The following RAP1A variants were observed in gnomAD, a reference collection of about 807,000 sequenced individuals.
The protein encoded by RAP1A is RAP1A, member of RAS oncogene family.
Under a neutral mutation model 26.4 loss-of-function variants are expected in RAP1A, and 6 were observed. That is an observed-to-expected ratio of 0.23 (90% CI 0.12 to 0.45). RAP1A has a LOEUF of 0.45. RAP1A is among the 20% of genes least tolerant of loss of function. The probability of loss-of-function intolerance (pLI) is 0.99; values close to 1 mark genes in which losing one functional copy is unlikely to be tolerated. For missense variants in RAP1A, 121 were observed against 217.2 expected, an observed-to-expected ratio of 0.56 and a Z score of 2.78; for synonymous variants, 73 against 79.4, an observed-to-expected ratio of 0.92 and a Z score of 0.43.
chr1:111,595,645 T>A (rs1422147367), intron 1 of RAP1A, among the ~76,000 whole-genome samples: 1 of 152,200 alleles, frequency 6.6e-6, no homozygotes, highest in East Asian at 1.9e-4. Context: ...CCTGGTTAGG[T>A]TACCTGCTGG....
chr1:111,597,873 T>C (rs986058418), intron 1 of RAP1A, among the ~76,000 whole-genome samples: 1 of 152,194 alleles, frequency 6.6e-6, no homozygotes, highest in African/African-American at 2.4e-5. Context: ...TACTATGTGC[T>C]AGCCAGTTTG....
intron 1 of RAP1A, among the ~76,000 whole-genome samples, chr1:111,548,284 G>A (rs1207545205): frequency 6.6e-6 from 1 of 152,222 alleles, no homozygotes; most frequent in African/African-American, 2.4e-5. Context: ...GCCTCCCAAA[G>A]TGCTGGGATT....
At chr1:111,600,511 C>T (rs1658651731) in intron 1 of RAP1A, among the ~76,000 whole-genome samples, 1 of 152,224 alleles carries the variant, frequency 6.6e-6, no homozygotes. Context: ...TTTGTCTTCT[C>T]CTAGCCTCCC....
At chr1:111,670,855 T>C (rs538822099) in intron 1 of RAP1A, among the ~76,000 whole-genome samples, 2 of 152,348 alleles carry the variant, frequency 1.3e-5, no homozygotes, top group South Asian at 4.1e-4. Flanking sequence ...GTCATAATAG[T>C]ATATCAAGTC....
At chr1:111,571,259 C>T (rs1658042793) in intron 1 of RAP1A, among the ~76,000 whole-genome samples, 1 of 152,200 alleles carries the variant, frequency 6.6e-6, no homozygotes, top group South Asian at 2.1e-4. Flanking sequence ...CGCAAAGTTT[C>T]CACACTCTGT....
intron 1 of RAP1A, among the ~76,000 whole-genome samples, chr1:111,585,981 G>C (rs753650829): frequency 2.4e-4 from 36 of 152,124 alleles, no homozygotes; most frequent in Non-Finnish European, 3.1e-4. Context: ...GTTGATTTTA[G>C]ACAGTTCATT....
intron 1 of RAP1A, among the ~76,000 whole-genome samples, chr1:111,581,062 C>T (rs892252873): frequency 3.3e-5 from 5 of 150,736 alleles, no homozygotes; most frequent in Non-Finnish European, 7.4e-5. Context: ...CAGGGTTTTG[C>T]TATTTCTCAG....
At chr1:111,601,217 C>T (rs571921905) in intron 1 of RAP1A, among the ~76,000 whole-genome samples, 1 of 152,272 alleles carries the variant, frequency 6.6e-6, no homozygotes, top group East Asian at 1.9e-4. Context: ...CGGTGATCAC[C>T]GTGGGATCTT....
intron 1 of RAP1A, among the ~76,000 whole-genome samples, chr1:111,666,303 T>G (rs1660794013): frequency 6.6e-6 from 1 of 152,152 alleles, no homozygotes; most frequent in African/African-American, 2.4e-5. Flanking sequence ...AATTAAGTAT[T>G]TATACTAATA....
intron 1 of RAP1A, among the ~76,000 whole-genome samples, chr1:111,681,389 A>G (rs573527366): frequency 6.6e-6 from 1 of 152,356 alleles, no homozygotes; most frequent in East Asian, 1.9e-4. Context: ...AAGGTGGATA[A>G]TAACAAACTC....
At chr1:111,679,766 C>T (rs1022907135) in intron 1 of RAP1A, among the ~76,000 whole-genome samples, 9 of 152,292 alleles carry the variant, frequency 5.9e-5, no homozygotes, top group Middle Eastern at 3.4e-3. Context: ...GTTTTCCCCT[C>T]ACAATGTAAA....
At chr1:111,615,402 G>T (rs540972999), upstream of RAP1A, among the ~76,000 whole-genome samples, 2 of 151,902 alleles carry the variant, frequency 1.3e-5, no homozygotes, top group African/African-American at 4.8e-5. Context: ...ACCTAGGGTC[G>T]TGGCAATAGA....
At chr1:111,572,570 C>T (rs367724452) in intron 1 of RAP1A, among the ~76,000 whole-genome samples, 25 of 152,152 alleles carry the variant, frequency 1.6e-4, no homozygotes, top group Admixed American at 1.5e-3. Context: ...TGGGTGAAGC[C>T]GAAGTTTCAC....
chr1:111,568,215 TA>T (rs1332430665), intron 1 of RAP1A, among the ~76,000 whole-genome samples: 6 of 152,206 alleles, frequency 3.9e-5, no homozygotes, highest in Admixed American at 1.3e-4. Context: ...GGGTAATTTA[TA>T]AAGAAAAGAG....
chr1:111,664,614 G>A (rs1427836693), intron 1 of RAP1A, among the ~76,000 whole-genome samples: 4 of 151,994 alleles, frequency 2.6e-5, no homozygotes, highest in Non-Finnish European at 1.5e-5. Flanking sequence ...TACATACAAA[G>A]TACACAGTGA....
chr1:111,630,679 G>A (rs1283554677), intron 1 of RAP1A, among the ~76,000 whole-genome samples: 1 of 152,102 alleles, frequency 6.6e-6, no homozygotes, highest in Non-Finnish European at 1.5e-5. Context: ...ACATATAACA[G>A]TATATAAGAA....
chr1:111,643,519 T>C (rs491053), intron 1 of RAP1A, among the ~76,000 whole-genome samples: 9,424 of 152,278 alleles, frequency 0.062, 310 homozygotes, highest in South Asian at 0.087. Context: ...TTTGAAACAG[T>C]GAAACTTTGT....
rs80243715 is a variant in RAP1A at position 111,573,630 on chromosome 1, C to A, written c.-28+31121C>A. 9.9e-3 allele frequency among the ~76,000 whole-genome samples: 1,501 copies of A among 152,120 alleles called. 139 individuals are homozygous for A. In the East Asian group the frequency reaches 0.22, roughly 22 times the overall value. The stretch of plus-strand genomic sequence containing the variant: ...GATTACAGACATGAGCCACTGCGCC[C>A]GGCCTTGACTTTTTAATAATAGCCA... On this transcript the variant is annotated intron_variant, in intron 1 of 7. Transcript: ENST00000356415.
chr1:111,705,537 C>A (rs1662163230), intron 6 of RAP1A, among the ~76,000 whole-genome samples: 1 of 152,102 alleles, frequency 6.6e-6, no homozygotes, highest in South Asian at 2.1e-4. Context: ...TCAAGAATGC[C>A]AAAGCTTGTT....
Sources: gnomAD v4.1 joint callset for allele counts (sites outside exome capture counted in the v4.1 genomes callset) on GRCh38, gnomAD v4.1.1 for gene constraint, MANE v1.5 for transcripts, NCBI Gene and HGNC (gene_info 2026-07-23, HGNC 2026-07-21) for gene names.